The following COBL variants were observed in gnomAD, a reference collection of about 807,000 sequenced individuals.
The protein encoded by COBL is cordon-bleu WH2 repeat protein.
COBL carries 51 observed loss-of-function variants against 98.8 expected under a neutral mutation model. That is an observed-to-expected ratio of 0.52 (90% confidence interval 0.41 to 0.65). COBL has a LOEUF of 0.65. COBL is among the 30% of genes least tolerant of loss of function. The pLI is 0.00. For missense variants in COBL, 1,617 were observed against 1,617.5 expected, an observed-to-expected ratio of 1.00 and a Z score of 0.01; for synonymous variants, 634 against 651.7, an observed-to-expected ratio of 0.97 and a Z score of 0.41.
chr7:51,107,793 C>A (rs1170529928), intron 6 of COBL, among the ~76,000 whole-genome samples: 1 of 152,128 alleles, frequency 6.6e-6, no homozygotes, highest in Non-Finnish European at 1.5e-5. Context: ...CTGGGGAATA[C>A]AAGATGCCAA....
At chr7:51,166,826 T>C (rs1414991345) in intron 5 of COBL, among the ~76,000 whole-genome samples, 2 of 152,152 alleles carry the variant, frequency 1.3e-5, no homozygotes, top group Admixed American at 1.3e-4. Context: ...GTGTGATACA[T>C]TACATCAACA....
At chr7:51,177,844 T>G (rs939947290) in intron 5 of COBL, among the ~76,000 whole-genome samples, 9 of 151,610 alleles carry the variant, frequency 5.9e-5, no homozygotes, top group Non-Finnish European at 1.2e-4. Context: ...AAAAAAGACA[T>G]AAAAATATAG....
intron 2 of COBL, among the ~76,000 whole-genome samples, chr7:51,196,760 G>A (rs59956469): frequency 1.8e-3 from 274 of 151,908 alleles, no homozygotes; most frequent in African/African-American, 6.1e-3. Flanking sequence ...TTGGGAGAGT[G>A]TGTGTGTGTC....
At chr7:51,209,068 A>AC (rs1363109276) in intron 2 of COBL, among the ~76,000 whole-genome samples, 2 of 150,344 alleles carry the variant, frequency 1.3e-5, no homozygotes, top group African/African-American at 4.9e-5. Flanking sequence ...AAAAAAAAAA[A>AC]AAAACATTTG....
chr7:51,166,411 T>A lies in COBL; in HGVS notation c.783+17691A>T, dbSNP rs139780062. On this transcript the variant is annotated intron_variant, in intron 5 of 12. Coordinates refer to ENST00000265136, the MANE Select transcript of COBL (RefSeq NM_015198.5). ...GTACCAAGATTGAATCAGGGAGAAA[T>A]TTAAAACTAAAACAAATTAATAACA... Among the ~76,000 whole-genome samples, 365 of 152,012 alleles carry A rather than the reference T, an allele frequency of 2.4e-3. 3 individuals are homozygous for A. In the South Asian group the frequency reaches 0.037, roughly 15 times the overall value.
chr7:51,212,682 G>A (rs975412089), intron 2 of COBL, among the ~76,000 whole-genome samples: 2 of 152,198 alleles, frequency 1.3e-5, no homozygotes, highest in South Asian at 4.1e-4. Context: ...TCTTAGGACT[G>A]CGTACTCATC....
chr7:51,148,729 T>TC (rs1464816536), intron 5 of COBL, among the ~76,000 whole-genome samples: 2 of 152,008 alleles, frequency 1.3e-5, no homozygotes, highest in Non-Finnish European at 2.9e-5. Flanking sequence ...TGAGATCCAC[T>TC]CCCCTGAATA....
intron 6 of COBL, among the ~76,000 whole-genome samples, chr7:51,098,994 A>T (rs1007003561): frequency 6.6e-6 from 1 of 152,158 alleles, no homozygotes; most frequent in South Asian, 2.1e-4. Flanking sequence ...ATGGCCACAA[A>T]GCATATGAAA....
At chr7:51,197,901 G>A (rs958556850) in intron 2 of COBL, among the ~76,000 whole-genome samples, 5 of 152,044 alleles carry the variant, frequency 3.3e-5, no homozygotes, top group Non-Finnish European at 7.4e-5. Flanking sequence ...TTGAGCTTAC[G>A]TGTGTCACTG....
intron 5 of COBL, among the ~76,000 whole-genome samples, chr7:51,148,113 T>C (rs1445474422): frequency 1.3e-5 from 2 of 152,214 alleles, no homozygotes; most frequent in Non-Finnish European, 2.9e-5. Context: ...CACAGGTCTT[T>C]GAATAAATAT....
intron 6 of COBL, among the ~76,000 whole-genome samples, chr7:51,117,089 CT>C (rs1308827599): frequency 7.3e-6 from 1 of 137,870 alleles, no homozygotes; most frequent in Non-Finnish European, 1.5e-5. Context: ...CCCCCTCCCC[CT>C]GCACAAAATA....
intron 12 of COBL, among the ~76,000 whole-genome samples, chr7:51,024,653 G>GTGAA (rs3216937): frequency 2.3e-3 from 351 of 151,304 alleles, no homozygotes; most frequent in African/African-American, 4.4e-3. Flanking sequence ...GCATGTACGA[G>GTGAA]TGAATGAATG....
In COBL at chr7:51,214,642, G is replaced by A. The variant is rs76655796; in HGVS notation, c.245+5099C>T. Reference sequence around the variant, plus strand: ...TTTTCTATGTGATTCTCACTCAGCAGATCAATCAACATGTACCCTGGGGGC... The same window carrying A: ...TTTTCTATGTGATTCTCACTCAGCAAATCAATCAACATGTACCCTGGGGGC... On this transcript the variant is annotated intron_variant, in intron 2 of 12. Coordinates refer to ENST00000265136, the MANE Select transcript of COBL (RefSeq NM_015198.5). 5.5e-3 allele frequency among the ~76,000 whole-genome samples: 833 copies of A among 152,262 alleles called. 7 individuals carry two copies. The highest frequency in any genetic ancestry group is 0.019 in the African/African-American group (770 of 41,534).
chr7:51,304,889 G>A (rs1017497787), intron 1 of COBL, among the ~76,000 whole-genome samples: 1 of 152,168 alleles, frequency 6.6e-6, no homozygotes, highest in African/African-American at 2.4e-5. Flanking sequence ...AAGTGACAAA[G>A]CTTTCAGGGG....
chr7:51,229,070 C>A (rs1794473128), intron 1 of COBL, among the ~76,000 whole-genome samples: 1 of 152,168 alleles, frequency 6.6e-6, no homozygotes, highest in Non-Finnish European at 1.5e-5. Context: ...GTTTGCTTTG[C>A]CCCCTAAAAG....
At chr7:51,130,210 ACT>A (rs887251018) in intron 6 of COBL, among the ~76,000 whole-genome samples, 1 of 151,854 alleles carries the variant, frequency 6.6e-6, no homozygotes, top group African/African-American at 2.4e-5. Flanking sequence ...AAACTGAAGG[ACT>A]CTCTCTACTT....
At chr7:51,172,788 TTCTC>T (rs1788008961) in intron 5 of COBL, among the ~76,000 whole-genome samples, 1 of 152,256 alleles carries the variant, frequency 6.6e-6, no homozygotes, top group African/African-American at 2.4e-5. Context: ...TTTCTTTTCT[TTCTC>T]TCTTTCCTTT....
chr7:51,160,732 C>T (rs1422293669), intron 5 of COBL, among the ~76,000 whole-genome samples: 5 of 152,124 alleles, frequency 3.3e-5, no homozygotes, highest in South Asian at 2.1e-4. Context: ...ACAAAAGCCA[C>T]GCTTTTCCCT....
intron 1 of COBL, among the ~76,000 whole-genome samples, chr7:51,311,453 C>G (rs1397826706): frequency 2.6e-5 from 4 of 152,188 alleles, no homozygotes; most frequent in African/African-American, 9.7e-5. Context: ...AAACTCTAGT[C>G]TAGAATAAAT....
Sources: allele counts gnomAD v4.1 joint callset (sites outside exome capture counted in the v4.1 genomes callset), GRCh38; gene constraint gnomAD v4.1.1; transcripts MANE v1.5; gene names NCBI Gene and HGNC (gene_info 2026-07-23, HGNC 2026-07-21).